Variants in KSR1 observed in about 807,000 individuals in gnomAD.
KSR1 encodes kinase suppressor of ras.
Under a neutral mutation model 92.9 loss-of-function variants are expected in KSR1, and 35 were observed. The ratio of observed to expected loss-of-function variants is 0.38; its 90% confidence interval spans 0.29 to 0.50. The LOEUF (loss-of-function observed/expected upper bound fraction) is 0.50. Among genes scored for constraint, KSR1 ranks in the 20% least tolerant of loss-of-function variants. The probability of loss-of-function intolerance (pLI) is 0.94; values close to 1 mark genes in which losing one functional copy is unlikely to be tolerated. For synonymous variants in KSR1, 467 were observed against 472.6 expected, an observed-to-expected ratio of 0.99 and a Z score of 0.15; for missense variants, 972 against 1,158.5, an observed-to-expected ratio of 0.84 and a Z score of 2.34.
intron 14 of KSR1, among the ~76,000 whole-genome samples, chr17:27,606,531 A>G (rs1265774314): frequency 3.9e-5 from 6 of 152,170 alleles, no homozygotes; most frequent in Non-Finnish European, 7.3e-5. Context: ...ACTCTCTTCT[A>G]ACACCTGCAC....
intron 2 of KSR1, among the ~76,000 whole-genome samples, chr17:27,570,051 G>A (rs1316610815): frequency 1.3e-5 from 2 of 152,224 alleles, no homozygotes; most frequent in South Asian, 2.1e-4. Flanking sequence ...AAGGACTGGA[G>A]TGGAGGCTAA....
chr17:27,611,664 C>A, intron 18 of KSR1, 35 bp downstream of exon 18: 1 of 1,612,254 alleles, frequency 6.2e-7, no homozygotes, highest in Non-Finnish European at 8.5e-7. Context: ...AGCAGTAGGG[C>A]TGGAGGTGGG....
At chr17:27,466,739 G>T (rs76237983) in intron 1 of KSR1, among the ~76,000 whole-genome samples, 1 of 152,230 alleles carries the variant, frequency 6.6e-6, no homozygotes, top group African/African-American at 2.4e-5. Flanking sequence ...CCTGTTTCTC[G>T]TGGTGGCTTT....
At chr17:27,521,312 AG>A (rs1217243964) in intron 1 of KSR1, among the ~76,000 whole-genome samples, 3 of 150,488 alleles carry the variant, frequency 2.0e-5, no homozygotes, top group African/African-American at 7.3e-5. Context: ...CCATGAGGAC[AG>A]TGAGTTGACA....
At chr17:27,473,393 GGA>G (rs1346400939) in intron 1 of KSR1, among the ~76,000 whole-genome samples, 3 of 152,184 alleles carry the variant, frequency 2.0e-5, no homozygotes, top group African/African-American at 4.8e-5. Flanking sequence ...CCTCACAGTT[GGA>G]GACAGGATGA....
intron 9 of KSR1, among the ~76,000 whole-genome samples, chr17:27,595,844 G>C (rs962258666): frequency 1.3e-5 from 2 of 152,062 alleles, no homozygotes; most frequent in African/African-American, 4.8e-5. Context: ...TGTGGCTGGG[G>C]AGCCATGGCC....
chr17:27,459,772 C>T lies in KSR1; in HGVS notation c.231+2898C>T, dbSNP rs1346088094. Among the ~76,000 whole-genome samples the T allele has an allele frequency of 6.6e-6, 1 of 152,178 alleles. No homozygotes were observed. Among genetic ancestry groups the T allele is most frequent in the African/African-American group, 2.4e-5 (1 of 41,432 alleles). On this transcript the variant is annotated intron_variant, in intron 1 of 20. Transcript: ENST00000644974. The surrounding 1 kb of genome is among the most constrained non-coding windows in gnomAD (Gnocchi z 4.6). ...CAGCACGTGAAATGTCCGTGGAGGTCCCTGACCAGGGATGGGCTGCTGCTG... is the reference window on the plus strand; with the variant it reads ...CAGCACGTGAAATGTCCGTGGAGGTTCCTGACCAGGGATGGGCTGCTGCTG...
At position 27,609,292 on chromosome 17, in the gene KSR1, G is replaced by A. The variant is rs192731769; in HGVS notation, c.2188G>A (p.Gly730Arg). The change falls in exon 16 of 21, where the codon GGG becomes AGG. Residue 730 changes from glycine to arginine, a missense_variant. By Grantham distance (125) the Gly-to-Arg change is moderately radical (BLOSUM62 -2). Coordinates refer to ENST00000644974, the MANE Select transcript of KSR1 (RefSeq NM_001394583.1). ...CGGCAAGGTGGTCATCACAGACTTCGGGCTGTTTGGGATCTCAGGCGTGGT... is the reference window on the plus strand; with the variant it reads ...CGGCAAGGTGGTCATCACAGACTTCAGGCTGTTTGGGATCTCAGGCGTGGT... ...DNGKVVITDF[G>R]LFGISGVVRE... The A allele has an allele frequency of 6.2e-6, 10 of 1,613,922 alleles. No homozygotes were observed. The highest frequency in any genetic ancestry group is 1.7e-5 in the Admixed American group (1 of 60,028).
intron 1 of KSR1, among the ~76,000 whole-genome samples, chr17:27,489,211 A>G (rs1449746719): frequency 1.3e-5 from 2 of 152,200 alleles, no homozygotes; most frequent in Non-Finnish European, 2.9e-5. Flanking sequence ...TTGGATCCTC[A>G]GCTGGGTGTC....
chr17:27,622,005 T>C (rs1468478506), intron 20 of KSR1: 2 of 1,502,008 alleles, frequency 1.3e-6, no homozygotes, highest in African/African-American at 1.4e-5. Flanking sequence ...TGACTTCTGC[T>C]AAAATGCAAA....
At chr17:27,497,133 T>C (rs2069015263) in intron 1 of KSR1, among the ~76,000 whole-genome samples, 1 of 152,230 alleles carries the variant, frequency 6.6e-6, no homozygotes, top group Non-Finnish European at 1.5e-5. Context: ...AGCTCTTTCA[T>C]TTCCACCTCT....
At chr17:27,482,496 G>T (rs2068540792) in intron 1 of KSR1, among the ~76,000 whole-genome samples, 1 of 152,096 alleles carries the variant, frequency 6.6e-6, no homozygotes, top group African/African-American at 2.4e-5. Flanking sequence ...TTGTGTTAAG[G>T]ACCAACTATG....
intron 1 of KSR1, among the ~76,000 whole-genome samples, chr17:27,505,460 T>C (rs538783753): frequency 3.9e-5 from 6 of 152,348 alleles, no homozygotes; most frequent in African/African-American, 1.4e-4. Flanking sequence ...TTTGCTCGGA[T>C]GCAGGCAGCA....
chr17:27,498,683 C>A (rs1408506527), intron 1 of KSR1, among the ~76,000 whole-genome samples: 2 of 152,150 alleles, frequency 1.3e-5, no homozygotes, highest in Non-Finnish European at 2.9e-5. Context: ...GCCCTGGCTG[C>A]CATTAGAATT....
intron 18 of KSR1, among the ~76,000 whole-genome samples, chr17:27,613,961 C>A (rs897815177): frequency 2.6e-5 from 4 of 151,486 alleles, no homozygotes; most frequent in Non-Finnish European, 5.9e-5. Flanking sequence ...ACCAAAATAT[C>A]CAGCTAATTT....
intron 2 of KSR1, among the ~76,000 whole-genome samples, chr17:27,575,942 C>A (rs1231947335): frequency 6.6e-6 from 1 of 152,200 alleles, no homozygotes; most frequent in African/African-American, 2.4e-5. Flanking sequence ...TAGGCCAGGC[C>A]TTCCTCTTAC....
rs1347416848 is a variant in KSR1 at position 27,577,702 on chromosome 17, C to T, written c.520+63C>T. ...GGTGCCCTTGGGGCTGTGGCCTTCACTATGGTGGGTGATGGAGCGGGGCAA... is the reference window on the plus strand; with the variant it reads ...GGTGCCCTTGGGGCTGTGGCCTTCATTATGGTGGGTGATGGAGCGGGGCAA... On this transcript the variant is annotated intron_variant, in intron 3 of 20. Coordinates refer to ENST00000644974, the MANE Select transcript of KSR1 (RefSeq NM_001394583.1). The surrounding 1 kb of genome is among the most constrained non-coding windows in gnomAD (Gnocchi z 4.5). 1.5e-6 allele frequency: 2 copies of T among 1,352,816 alleles called. No individual in the cohort carries two copies. The highest frequency in any genetic ancestry group is 2.0e-6 in the Non-Finnish European group (2 of 979,420). The allele number at this position is 1,352,816 out of a possible 1,614,324, so 83.8% of individuals were successfully genotyped here.
At chr17:27,518,700 G>A (rs1452462975) in intron 1 of KSR1, among the ~76,000 whole-genome samples, 1 of 152,208 alleles carries the variant, frequency 6.6e-6, no homozygotes, top group African/African-American at 2.4e-5. Flanking sequence ...GTGTTGGCAG[G>A]AGTCGGGAAA....
At chr17:27,571,198 G>T (rs1320881356) in intron 2 of KSR1, among the ~76,000 whole-genome samples, 1 of 152,164 alleles carries the variant, frequency 6.6e-6, no homozygotes, top group Non-Finnish European at 1.5e-5. Flanking sequence ...GCTGGGCCCG[G>T]AACTGGCCAC....
Sources: allele counts gnomAD v4.1 joint callset (sites outside exome capture counted in the v4.1 genomes callset), GRCh38; gene constraint gnomAD v4.1.1; non-coding constraint Gnocchi (gnomAD v3.1); transcripts MANE v1.5; gene names NCBI Gene and HGNC (gene_info 2026-07-23, HGNC 2026-07-21).